Variants in EXD2 observed in about 807,000 individuals in gnomAD.
The protein encoded by EXD2 is exonuclease 3'-5' domain containing 2.
Under a neutral mutation model 62.5 loss-of-function variants are expected in EXD2, and 40 were observed. That is an observed-to-expected ratio of 0.64 (90% CI 0.50 to 0.83). The LOEUF (loss-of-function observed/expected upper bound fraction) is 0.83, where lower values mean the gene tolerates loss of function less well. Among genes scored for constraint, EXD2 ranks in the 40% least tolerant of loss-of-function variants. The probability of loss-of-function intolerance (pLI) is 0.00; values close to 1 mark genes in which losing one functional copy is unlikely to be tolerated. For missense variants in EXD2, 671 were observed against 761.8 expected (o/e 0.88, Z 1.40); for synonymous variants, 239 against 291.9 (o/e 0.82, Z 1.85).
rs553879319 is a variant in EXD2 at position 69,241,419 on chromosome 14, T to G, written c.*319T>G. ...ATGAAGAATTCTCCCAGAAGTGACT[T>G]GTCAAGACTTAAAAAAAATGTTTTT... is the stretch of plus-strand genomic sequence containing the variant. On this transcript the variant is annotated 3_prime_UTR_variant, in exon 10 of 10. Coordinates refer to ENST00000685843, the MANE Select transcript of EXD2 (RefSeq NM_001193360.2). 9.7e-5 allele frequency: 29 copies of G among 297,562 alleles called. No homozygotes were observed. The Middle Eastern group carries it at 3.0e-3, about 31-fold the overall frequency. The allele number at this position is 297,562 out of a possible 1,614,324, so 18.4% of individuals were successfully genotyped here. A position where few individuals can be genotyped will look rare whatever the true frequency, so the allele number is the denominator to read the frequency against.
rs1393527917 is a variant in EXD2 at position 69,241,456 on chromosome 14, TC to T, written c.*358del. On this transcript the variant is annotated 3_prime_UTR_variant, in exon 10 of 10. Coordinates refer to ENST00000685843, the MANE Select transcript of EXD2 (RefSeq NM_001193360.2). ...AAAAAAATGTTTTTAATGCATTTCT[TC>T]CTTGTCTAGTGCCTCGGTTTATCTC... The T allele has an allele frequency of 1.5e-5, 4 of 265,286 alleles. No homozygotes were observed. The highest frequency in any genetic ancestry group is 4.7e-5 in the Admixed American group (1 of 21,186). 16.4% of individuals were successfully genotyped at this position (265,286 alleles called of 1,614,324 possible).
rs2043959018 is a variant in EXD2, at chr14:69,240,899, C to T, written c.1665C>T (p.Asn555=). The change falls in exon 10 of 10, where the codon AAC becomes AAT. Residue 555 remains asparagine (N), a synonymous_variant. Transcript: ENST00000685843. ...ASLETRISNE[N]YVPHGLKVVQ... Reference sequence around the variant, plus strand: ...GTTTTGGCAGAATCTCCAATGAAAACTATGTTCCTCACGGGCTGAAGGTGG... The same window carrying T: ...GTTTTGGCAGAATCTCCAATGAAAATTATGTTCCTCACGGGCTGAAGGTGG... 1.9e-6 allele frequency: 3 copies of T among 1,613,278 alleles called. No homozygotes were observed. Among genetic ancestry groups the T allele is most frequent in the Non-Finnish European group, 1.7e-6 (2 of 1,179,686 alleles).
chr14:69,232,093 T>C (rs911804534), intron 5 of EXD2, among the ~76,000 whole-genome samples: 1 of 152,126 alleles, frequency 6.6e-6, no homozygotes, highest in African/African-American at 2.4e-5. Flanking sequence ...ATCTCTCCCT[T>C]AATCCCCCTT....
intron 9 of EXD2, among the ~76,000 whole-genome samples, chr14:69,238,470 TTAAA>T (rs2043873434): frequency 6.6e-6 from 1 of 152,200 alleles, no homozygotes; most frequent in African/African-American, 2.4e-5. Context: ...CCTGTATACT[TTAAA>T]TAACCTGTAA....
chr14:69,234,550 TAAG>T (rs951037813), intron 5 of EXD2, 147 bp from the exon 6 acceptor site: 3 of 622,342 alleles, frequency 4.8e-6, no homozygotes, highest in South Asian at 4.8e-5. Flanking sequence ...ATTTTTATAA[TAAG>T]AAGTTTTAAG....
intron 1 of EXD2, among the ~76,000 whole-genome samples, chr14:69,195,404 G>A (rs550278066): frequency 6.6e-6 from 1 of 151,926 alleles, no homozygotes; most frequent in East Asian, 1.9e-4. Context: ...ACCATGCTGC[G>A]CAGGCTGGTC....
At chr14:69,200,991 T>A (rs896742267) in intron 1 of EXD2, among the ~76,000 whole-genome samples, 8 of 151,672 alleles carry the variant, frequency 5.3e-5, no homozygotes, top group African/African-American at 1.9e-4. Context: ...GGAGAATTGC[T>A]TGAACTCGGG....
chr14:69,193,801 C>T (rs2042110733), intron 1 of EXD2, among the ~76,000 whole-genome samples: 1 of 151,814 alleles, frequency 6.6e-6, no homozygotes, highest in African/African-American at 2.4e-5. Context: ...GATTTTTGCT[C>T]TCGGGGTTAT....
rs1479854416 is a variant in EXD2 at position 69,236,417 on chromosome 14, T to C, written c.1167T>C (p.Ser389=). The change falls in exon 8 of 10, where the codon AGT becomes AGC. Residue 389 remains serine (S), a synonymous_variant. Transcript: ENST00000685843. ...YLDKGIGELV[S]EEPFVVKLRF... ...GTCTCTTCTCTTAAGAGCTGGTGAG[T>C]GAAGAGCCCTTTGTGGTGAAGCTAC... 1 of 1,613,912 alleles carries C rather than the reference T, an allele frequency of 6.2e-7. No individual in the cohort carries two copies. The highest frequency in any genetic ancestry group is 1.7e-5 in the Admixed American group (1 of 59,992).
At chr14:69,197,663 C>A (rs1024337013) in intron 1 of EXD2, among the ~76,000 whole-genome samples, 7 of 152,120 alleles carry the variant, frequency 4.6e-5, no homozygotes, top group African/African-American at 1.7e-4. Context: ...GCTGCACTTA[C>A]AAGTGAGAAC....
At chr14:69,230,986 C>T (rs971611022) in intron 5 of EXD2, among the ~76,000 whole-genome samples, 5 of 152,094 alleles carry the variant, frequency 3.3e-5, no homozygotes, top group Admixed American at 1.3e-4. Context: ...GGTTTCACCA[C>T]GTTGGTCAGG....
At chr14:69,229,828 G>C (rs1307527949) in intron 4 of EXD2, among the ~76,000 whole-genome samples, 1 of 152,114 alleles carries the variant, frequency 6.6e-6, no homozygotes, top group African/African-American at 2.4e-5. Context: ...TAAAAGTTTG[G>C]AGATTTGGTA....
chr14:69,232,307 C>T (rs1429813326), intron 5 of EXD2, among the ~76,000 whole-genome samples: 1 of 152,172 alleles, frequency 6.6e-6, no homozygotes, highest in Non-Finnish European at 1.5e-5. Context: ...TCTGTTTCCG[C>T]CCTTGCCTTC....
intron 1 of EXD2, among the ~76,000 whole-genome samples, chr14:69,197,635 A>G (rs2042251791): frequency 6.6e-6 from 1 of 151,674 alleles, no homozygotes; most frequent in African/African-American, 2.4e-5. Context: ...CTTTATGTCC[A>G]TGTGTACTGG....
At chr14:69,226,735 G>A (rs887522098) in intron 3 of EXD2, among the ~76,000 whole-genome samples, 2 of 151,486 alleles carry the variant, frequency 1.3e-5, no homozygotes, top group Non-Finnish European at 2.9e-5. Flanking sequence ...GCAACAGAGC[G>A]AGACTTGGAA....
chr14:69,231,017 T>A (rs113791998), intron 5 of EXD2, among the ~76,000 whole-genome samples: 1 of 152,198 alleles, frequency 6.6e-6, no homozygotes, highest in African/African-American at 2.4e-5. Flanking sequence ...ACTTCTGACC[T>A]CAAGTGATCC....
At chr14:69,198,776 G>A (rs2042292583) in intron 1 of EXD2, among the ~76,000 whole-genome samples, 1 of 152,212 alleles carries the variant, frequency 6.6e-6, no homozygotes, top group Non-Finnish European at 1.5e-5. Flanking sequence ...CACGAACCTA[G>A]ATGGAATAGC....
intron 2 of EXD2, among the ~76,000 whole-genome samples, chr14:69,206,534 G>C (rs2042610862): frequency 7.0e-6 from 1 of 142,662 alleles, no homozygotes; most frequent in African/African-American, 2.6e-5. Flanking sequence ...AGTGGGTGCA[G>C]TGGCACACCA....
At chr14:69,229,473 A>G (rs1186798065) in intron 4 of EXD2, among the ~76,000 whole-genome samples, 1 of 152,216 alleles carries the variant, frequency 6.6e-6, no homozygotes, top group African/African-American at 2.4e-5. Flanking sequence ...CACTGAGTCT[A>G]CAGTTCTAGA....
Sources: gnomAD v4.1 joint callset for allele counts (sites outside exome capture counted in the v4.1 genomes callset) on GRCh38, gnomAD v4.1.1 for gene constraint, MANE v1.5 for transcripts, NCBI Gene and HGNC (gene_info 2026-07-23, HGNC 2026-07-21) for gene names.